The following PSG8 variants were observed in gnomAD, a reference collection of about 807,000 sequenced individuals.
PSG8 encodes the protein pregnancy-specific beta-1-glycoprotein 8.
A neutral mutation model predicts 42.5 loss-of-function variants in PSG8; 57 were observed. The ratio of observed to expected loss-of-function variants is 1.34; its 90% CI spans 1.08 to 1.67. The LOEUF is 1.67. PSG8 is among the 40% of genes most tolerant of loss of function. PSG8 has a pLI of 0.00. For synonymous variants in PSG8, 280 were observed against 196.8 expected (o/e 1.42, Z -3.54); for missense variants, 783 against 518.6 (o/e 1.51, Z -4.95).
Position 42,755,162 on chromosome 19 carries a change from T to G in PSG8, c.814A>C (p.Ile272Leu), listed in dbSNP as rs146653609. Residue 272 changes from isoleucine to leucine, a missense_variant, in exon 4 of 5, where the codon ATT becomes CTT. Transcript: ENST00000306511. ...CEPKSENYTY[I>L]WWLNGQSLPV... ...AGGCTCTGACCATTTAGCCACCAAATGTAGGTGTAGTTCTCACTCTTAGGT... is the reference window on the plus strand; with the variant it reads ...AGGCTCTGACCATTTAGCCACCAAAGGTAGGTGTAGTTCTCACTCTTAGGT... The G allele has an allele frequency of 1.9e-5, 30 of 1,611,892 alleles. No homozygotes were observed. The highest frequency in any genetic ancestry group is 2.3e-5 in the Non-Finnish European group (27 of 1,179,784).
At chr19:42,760,560 C>A (rs1568378484) in intron 2 of PSG8, among the ~76,000 whole-genome samples, 1 of 152,010 alleles carries the variant, frequency 6.6e-6, no homozygotes. Context: ...CAGTAAGCAT[C>A]AAAAGCATTC....
In PSG8 at chr19:42,764,117, G is replaced by A; in HGVS notation, c.229C>T (p.His77Tyr). Residue 77 changes from histidine to tyrosine, a missense_variant, in exon 2 of 5, where the codon CAT becomes TAT. Transcript: ENST00000306511. The part of the protein sequence containing the change: ...WYKGQIRDLY[H>Y]YITSYVVDGQ... Reference sequence around the variant, plus strand: ...TCTACTACATATGATGTAATGTAATGGTAGAGGTCCCTGATTTGCCCTTTG... The same window carrying A: ...TCTACTACATATGATGTAATGTAATAGTAGAGGTCCCTGATTTGCCCTTTG... The A allele has an allele frequency of 6.2e-7, 1 of 1,613,836 alleles. No individual in the cohort carries two copies.
chr19:42,763,490 A>C (rs959526346), intron 2 of PSG8, among the ~76,000 whole-genome samples: 10 of 152,078 alleles, frequency 6.6e-5, no homozygotes, highest in African/African-American at 2.2e-4. Flanking sequence ...GGCTCCTCAG[A>C]TTTATCTGGA....
Position 42,763,935 on chromosome 19 carries a change from A to T in PSG8, c.411T>A (p.His137Gln), listed in dbSNP as rs1341478494. Residue 137 changes from histidine (H) to glutamine (Q), a missense_variant, in exon 2 of 5, where the codon CAT becomes CAA. His to Gln is a conservative substitution (Grantham distance 24). Coordinates refer to ENST00000306511, the MANE Select transcript of PSG8 (RefSeq NM_182707.3). ...GGDENRGVTG[H>Q]FTFTLYLETP... The stretch of plus-strand genomic sequence containing the variant: ...ACTCACGATATAAGGTGAAGGTGAA[A>T]TGTCCAGTTACTCCTCTATTCTCAT... 2 of 1,613,710 alleles carry T rather than the reference A, an allele frequency of 1.2e-6. No homozygotes were observed. Among genetic ancestry groups the T allele is most frequent in the South Asian group, 1.1e-5 (1 of 91,062 alleles).
chr19:42,760,957 T>C (rs916443233), intron 2 of PSG8, among the ~76,000 whole-genome samples: 5 of 152,160 alleles, frequency 3.3e-5, no homozygotes, highest in African/African-American at 1.2e-4. Flanking sequence ...ATGACAAATT[T>C]CAAGCTTGTT....
intron 2 of PSG8, 27 bp from the exon 3 acceptor site, chr19:42,758,307 C>G (rs752568547): frequency 5.6e-6 from 9 of 1,605,852 alleles, no homozygotes; most frequent in Non-Finnish European, 7.7e-6. Flanking sequence ...GAGAAGATTG[C>G]CCTGTGTGGC....
At chr19:42,759,394 C>T (rs1052749093) in intron 2 of PSG8, among the ~76,000 whole-genome samples, 5 of 152,126 alleles carry the variant, frequency 3.3e-5, no homozygotes, top group Admixed American at 2.6e-4. Context: ...CTAGAGATCT[C>T]CTGTACAGCC....
chr19:42,759,371 G>A (rs769607355), intron 2 of PSG8, among the ~76,000 whole-genome samples: 1 of 152,132 alleles, frequency 6.6e-6, no homozygotes, highest in African/African-American at 2.4e-5. Flanking sequence ...CAGTTATGCA[G>A]GATGAGGAGG....
chr19:42,762,399 G>C (rs1365378597), intron 2 of PSG8, among the ~76,000 whole-genome samples: 1 of 152,048 alleles, frequency 6.6e-6, no homozygotes, highest in Non-Finnish European at 1.5e-5. Flanking sequence ...GTGGCTTTAG[G>C]GGCAAGAGGT....
At chr19:42,755,847 C>A (rs1214261408) in intron 3 of PSG8, 1 of 157,336 alleles carries the variant, frequency 6.4e-6, no homozygotes, top group East Asian at 1.9e-4. Context: ...GCAGTGGAGG[C>A]TCAAGGTGGG....
intron 1 of PSG8, among the ~76,000 whole-genome samples, chr19:42,765,000 C>T (rs1396897147): frequency 1.3e-5 from 2 of 152,026 alleles, no homozygotes; most frequent in Non-Finnish European, 2.9e-5. Flanking sequence ...AATGTGGTGG[C>T]CCCTGATGAT....
intron 3 of PSG8, among the ~76,000 whole-genome samples, chr19:42,757,765 T>A (rs1969963775): frequency 6.6e-6 from 1 of 152,140 alleles, no homozygotes; most frequent in Non-Finnish European, 1.5e-5. Flanking sequence ...TTCACCTGTT[T>A]CTCCCATCAC....
chr19:42,763,597 T>A, intron 2 of PSG8: 1 of 443,900 alleles, frequency 2.3e-6, no homozygotes, highest in Admixed American at 3.7e-5. Flanking sequence ...CCTACTCAGT[T>A]CTCCAGGGTC....
Position 42,755,019 on chromosome 19 carries a change from G to A in PSG8, c.957C>T (p.Ile319=). The A allele has an allele frequency of 6.2e-7, 1 of 1,613,454 alleles. No individual in the cohort carries two copies. The highest frequency in any genetic ancestry group is 8.5e-7 in the Non-Finnish European group (1 of 1,179,810). Residue 319 remains isoleucine (I), a synonymous_variant, in exon 4 of 5, where the codon ATC becomes ATT. Coordinates refer to ENST00000306511, the MANE Select transcript of PSG8 (RefSeq NM_182707.3). ...CATTCAGGGTGACTGGGTAACTGCG[G>A]ATGCCACCATATTGGTCCCTTATTT... ...QCEIRDQYGG[I]RSYPVTLNVL...
Position 42,764,223 on chromosome 19 carries a change from C to T in PSG8, c.123G>A (p.Gln41=). 3.1e-6 allele frequency: 5 copies of T among 1,613,760 alleles called. No individual in the cohort carries two copies. Among genetic ancestry groups the T allele is most frequent in the Non-Finnish European group, 4.2e-6 (5 of 1,179,820 alleles). Residue 41 remains glutamine (Q), a synonymous_variant, in exon 2 of 5, where the codon CAG becomes CAA. Coordinates refer to ENST00000306511, the MANE Select transcript of PSG8 (RefSeq NM_182707.3). The part of the protein sequence containing the change: ...PTTAQVTIEA[Q]PTKVSEGKDV... ...CCTTCCCCTCAGAAACTTTGGTTGG[C>T]TGGGCTTCAATCGTGACTTGGGCAG...
chr19:42,763,588 C>G (rs1389451147), intron 2 of PSG8: 10 of 422,920 alleles, frequency 2.4e-5, no homozygotes, highest in African/African-American at 4.1e-5. Context: ...AGGCCAAGCC[C>G]TACTCAGTTC....
intron 2 of PSG8, among the ~76,000 whole-genome samples, chr19:42,760,359 A>G (rs1455101129): frequency 6.6e-6 from 1 of 152,198 alleles, no homozygotes; most frequent in Non-Finnish European, 1.5e-5. Flanking sequence ...TGTATGTTAC[A>G]GCCTTTGTAG....
intron 2 of PSG8, among the ~76,000 whole-genome samples, chr19:42,760,489 G>A (rs1372296147): frequency 6.6e-6 from 1 of 152,064 alleles, no homozygotes; most frequent in Non-Finnish European, 1.5e-5. Flanking sequence ...TTTCAGTTTT[G>A]GAAGTTTCTA....
At chr19:42,761,532 C>G (rs11883065) in intron 2 of PSG8, among the ~76,000 whole-genome samples, 1 of 152,010 alleles carries the variant, frequency 6.6e-6, no homozygotes, top group Non-Finnish European at 1.5e-5. Context: ...TTCTGGCAAC[C>G]GGCTGACCTC....
Sources: gnomAD v4.1 joint callset for allele counts (sites outside exome capture counted in the v4.1 genomes callset) on GRCh38, gnomAD v4.1.1 for gene constraint, MANE v1.5 for transcripts, NCBI Gene and HGNC (gene_info 2026-07-23, HGNC 2026-07-21) for gene names.